Variants in CREB5 observed in about 807,000 individuals in gnomAD.
CREB5 encodes the protein cyclic AMP-responsive element-binding protein 5.
CREB5 carries 19 observed loss-of-function variants against 57.1 expected under a neutral mutation model. That is an observed-to-expected ratio of 0.33 (90% CI 0.23 to 0.49). The LOEUF (loss-of-function observed/expected upper bound fraction) is 0.49. CREB5 is among the 20% of genes least tolerant of loss of function. CREB5 has a pLI of 0.99. For missense variants in CREB5, 579 were observed against 671.6 expected, an observed-to-expected ratio of 0.86 and a Z score of 1.52; for synonymous variants, 238 against 238.3, an observed-to-expected ratio of 1.00 and a Z score of 0.01.
chr7:28,535,041 C>T (rs1793897494), intron 4 of CREB5, among the ~76,000 whole-genome samples: 2 of 141,802 alleles, frequency 1.4e-5, no homozygotes, highest in South Asian at 2.2e-4. Context: ...CAGCTCGCAT[C>T]TCTGGTTCCT....
intron 1 of CREB5, among the ~76,000 whole-genome samples, chr7:28,310,666 G>A (rs2109814): frequency 0.58 from 88,522 of 152,162 alleles, 28,764 homozygotes; most frequent in East Asian, 0.94. Context: ...ACGAAAGTAT[G>A]TTTACCTAAT....
chr7:28,565,657 C>T (rs978784046), intron 4 of CREB5, among the ~76,000 whole-genome samples: 2 of 152,064 alleles, frequency 1.3e-5, no homozygotes, highest in Non-Finnish European at 2.9e-5. Flanking sequence ...GGCTGGGTGC[C>T]GTGGTTCATG....
At chr7:28,745,038 G>A (rs1383828902) in intron 7 of CREB5, among the ~76,000 whole-genome samples, 1 of 152,270 alleles carries the variant, frequency 6.6e-6, no homozygotes, top group Non-Finnish European at 1.5e-5. Flanking sequence ...GCTCTTGGCT[G>A]TCTGCATGCT....
chr7:28,746,845 G>A (rs1391327312), intron 7 of CREB5, among the ~76,000 whole-genome samples: 1 of 152,146 alleles, frequency 6.6e-6, no homozygotes, highest in Non-Finnish European at 1.5e-5. Flanking sequence ...TTCCTAATGA[G>A]CCCTTTCAGT....
intron 5 of CREB5, among the ~76,000 whole-genome samples, chr7:28,578,391 C>G (rs942104510): frequency 5.4e-4 from 82 of 152,084 alleles, no homozygotes; most frequent in African/African-American, 1.9e-3. Context: ...TGAAGAATAT[C>G]AAAAAGAGAA....
chr7:28,416,532 G>T (rs879780590), intron 1 of CREB5, among the ~76,000 whole-genome samples: 7 of 152,190 alleles, frequency 4.6e-5, no homozygotes, highest in Non-Finnish European at 1.0e-4. Context: ...TTGGGATAAA[G>T]TCCGTTTCCA....
intron 5 of CREB5, among the ~76,000 whole-genome samples, chr7:28,594,473 T>TG (rs138746787): frequency 0.11 from 16,866 of 152,132 alleles, 1,293 homozygotes; most frequent in East Asian, 0.31. Flanking sequence ...CAAACATTCC[T>TG]GGGGTTATTG....
chr7:28,803,089 C>T (rs1192346274), intron 7 of CREB5, among the ~76,000 whole-genome samples: 5 of 152,198 alleles, frequency 3.3e-5, no homozygotes, highest in African/African-American at 1.2e-4. Context: ...CTCCTTTAGA[C>T]TCAGGTACAA....
rs740315 is a variant in CREB5, at chr7:28,754,860, C to A, written c.702+30528C>A. On this transcript the variant is annotated intron_variant, in intron 7 of 10. Transcript: ENST00000357727. Reference sequence around the variant, plus strand: ...AGATATTTCCAAGATATGGGTACTACGCCTTTGCTTGTATCTGCCTTGGAA... The same window carrying A: ...AGATATTTCCAAGATATGGGTACTAAGCCTTTGCTTGTATCTGCCTTGGAA... 1.3e-5 allele frequency among the ~76,000 whole-genome samples: 2 copies of A among 152,030 alleles called. 1 individual carries two copies. Among genetic ancestry groups the A allele is most frequent in the Non-Finnish European group, 2.9e-5 (2 of 68,016 alleles).
chr7:28,450,793 G>T (rs1384029966), intron 1 of CREB5, among the ~76,000 whole-genome samples: 1 of 152,216 alleles, frequency 6.6e-6, no homozygotes, highest in African/African-American at 2.4e-5. Flanking sequence ...TGCAATTCAT[G>T]TCTTTTTGAA....
At chr7:28,516,742 A>C (rs185147117) in intron 4 of CREB5, among the ~76,000 whole-genome samples, 1 of 152,198 alleles carries the variant, frequency 6.6e-6, no homozygotes, top group Non-Finnish European at 1.5e-5. Flanking sequence ...TTTAAATTCC[A>C]GGTTGGGTCG....
At position 28,458,580 on chromosome 7, in the gene CREB5, G is replaced by C. The variant is rs1433317696; in HGVS notation, c.4-29595G>C. On this transcript the variant is annotated intron_variant, in intron 1 of 10. Transcript: ENST00000357727. ...CAGGCAGGAAAGGGCTGTGTCAAGA[G>C]AGGGATCCCAAAGTTACTGTAGATG... 4.6e-5 allele frequency among the ~76,000 whole-genome samples: 7 copies of C among 152,192 alleles called. No homozygotes were observed. In the East Asian group the frequency reaches 1.2e-3, roughly 25 times the overall value.
chr7:28,395,187 C>T (rs1475918219), intron 1 of CREB5, among the ~76,000 whole-genome samples: 1 of 152,174 alleles, frequency 6.6e-6, no homozygotes, highest in Admixed American at 6.5e-5. Flanking sequence ...GTCTGTCAAT[C>T]TCATCATACT....
At chr7:28,618,021 A>C (rs555973649) in intron 5 of CREB5, among the ~76,000 whole-genome samples, 1 of 152,170 alleles carries the variant, frequency 6.6e-6, no homozygotes, top group Admixed American at 6.5e-5. Context: ...AGGTACACAG[A>C]GAAAAGCTTT....
At chr7:28,734,258 T>C (rs1803847520) in intron 7 of CREB5, among the ~76,000 whole-genome samples, 1 of 147,958 alleles carries the variant, frequency 6.8e-6, no homozygotes, top group Non-Finnish European at 1.5e-5. Context: ...GGTTAATGGA[T>C]TCCAGTATAG....
intron 7 of CREB5, among the ~76,000 whole-genome samples, chr7:28,774,960 A>G (rs1215169579): frequency 1.3e-5 from 2 of 152,180 alleles, no homozygotes; most frequent in East Asian, 1.9e-4. Context: ...AGGGATCCCA[A>G]TTTGTTCTCA....
At chr7:28,716,154 ATTT>A (rs1802673974) in intron 5 of CREB5, among the ~76,000 whole-genome samples, 1 of 151,968 alleles carries the variant, frequency 6.6e-6, no homozygotes, top group South Asian at 2.1e-4. Flanking sequence ...TTTAATTTTT[ATTT>A]TTTAGTAGGC....
chr7:28,485,178 C>T (rs1466779791), intron 1 of CREB5, among the ~76,000 whole-genome samples: 1 of 152,142 alleles, frequency 6.6e-6, no homozygotes, highest in Non-Finnish European at 1.5e-5. Context: ...CTCTTCCCTA[C>T]TTTGGCTTAT....
Position 28,366,691 on chromosome 7 carries a change from A to G in CREB5, c.-25+67250A>G, listed in dbSNP as rs868264689. 2.6e-5 allele frequency among the ~76,000 whole-genome samples: 4 copies of G among 152,126 alleles called. No individual in the cohort carries two copies. The South Asian group carries it at 8.3e-4, about 32-fold the overall frequency. The stretch of plus-strand genomic sequence containing the variant: ...TTCAACTCAGTTAAGTTCTCCTCCA[A>G]TTTTCTGGAAAGCAAAACATTGGAC... On this transcript the variant is annotated intron_variant, in intron 1 of 9. Transcript: ENST00000396299.
Sources: gnomAD v4.1 joint callset for allele counts (sites outside exome capture counted in the v4.1 genomes callset) on GRCh38, gnomAD v4.1.1 for gene constraint, MANE v1.5 for transcripts, NCBI Gene and HGNC (gene_info 2026-07-23, HGNC 2026-07-21) for gene names.